Variants in PARVB observed in about 807,000 individuals in gnomAD.
The protein encoded by PARVB is parvin beta.
In PARVB, 46 loss-of-function variants were observed where a neutral mutation model predicts 47.0. The ratio of observed to expected loss-of-function variants is 0.98; its 90% CI spans 0.77 to 1.25. The LOEUF (loss-of-function observed/expected upper bound fraction) is 1.25, where lower values mean the gene tolerates loss of function less well. Among genes scored for constraint, PARVB ranks in the 50% most tolerant of loss-of-function variants. The pLI is 0.00. For synonymous variants in PARVB, 196 were observed against 196.3 expected (o/e 1.00, Z 0.01); for missense variants, 473 against 471.6 (o/e 1.00, Z -0.03).
rs563894254 is a variant in PARVB, at chr22:44,029,636, C to T, written c.112+5185C>T. On this transcript the variant is annotated intron_variant, in intron 1 of 12. Coordinates refer to ENST00000338758, the MANE Select transcript of PARVB (RefSeq NM_013327.5). ...ACTAAAAATAGAAAAATTAGCCAGG[C>T]GTGGTGGCTCACGCCTGTAATCCCA... Among the ~76,000 whole-genome samples, 10 of 151,858 alleles carry T rather than the reference C, an allele frequency of 6.6e-5. No individual in the cohort carries two copies. The South Asian group carries it at 1.2e-3, about 19-fold the overall frequency.
Position 44,049,285 on chromosome 22 carries a change from C to A in PARVB, c.112+24834C>A, listed in dbSNP as rs1307253906. ...TGTGCTGGTGTCAGAATGAACAATA[C>A]CCATAGTGCTTGGCGTAGACAATCA... is the stretch of plus-strand genomic sequence containing the variant. On this transcript the variant is annotated intron_variant, in intron 1 of 12. Coordinates refer to ENST00000338758, the MANE Select transcript of PARVB (RefSeq NM_013327.5). The surrounding 1 kb of genome is among the most constrained non-coding windows in gnomAD (Gnocchi z 4.0). Among the ~76,000 whole-genome samples the A allele has an allele frequency of 3.3e-5, 5 of 152,142 alleles. No individual in the cohort carries two copies. Among genetic ancestry groups the A allele is most frequent in the South Asian group, 4.1e-4 (2 of 4,824 alleles).
intron 1 of PARVB, among the ~76,000 whole-genome samples, chr22:44,040,249 A>G (rs2050994174): frequency 6.6e-6 from 1 of 152,076 alleles, no homozygotes; most frequent in Non-Finnish European, 1.5e-5. Context: ...CTAATTAGTG[A>G]TGTGTGTGAT....
intron 1 of PARVB, among the ~76,000 whole-genome samples, chr22:44,041,017 AAAAG>A (rs1480809559): frequency 6.6e-6 from 1 of 152,052 alleles, no homozygotes; most frequent in Non-Finnish European, 1.5e-5. Context: ...AATAAAAAAA[AAAAG>A]AAAGAAATTT....
At chr22:44,167,264 G>A (rs1024282439) in intron 12 of PARVB, among the ~76,000 whole-genome samples, 23 of 152,226 alleles carry the variant, frequency 1.5e-4, no homozygotes, top group Admixed American at 7.2e-4. Flanking sequence ...CGATGGTGGG[G>A]TGGGTGTTTG....
intron 5 of PARVB, among the ~76,000 whole-genome samples, chr22:44,132,465 C>CT (rs1272796519): frequency 1.3e-5 from 2 of 152,166 alleles, no homozygotes; most frequent in Non-Finnish European, 2.9e-5. Flanking sequence ...GGCCTCTGCT[C>CT]TTGGCAGCCT....
At chr22:44,132,103 T>A (rs2053339702) in intron 5 of PARVB, among the ~76,000 whole-genome samples, 1 of 152,092 alleles carries the variant, frequency 6.6e-6, no homozygotes, top group South Asian at 2.1e-4. Flanking sequence ...TTCTCCTCGG[T>A]CCTGCCCACT....
intron 2 of PARVB, among the ~76,000 whole-genome samples, chr22:44,012,863 G>A (rs1569048769): frequency 1.3e-5 from 2 of 151,190 alleles, no homozygotes; most frequent in Non-Finnish European, 2.9e-5. Flanking sequence ...AAAGAGAAGT[G>A]AAAGAAAGCT....
At chr22:44,130,387 C>T (rs2267612) in intron 4 of PARVB, among the ~76,000 whole-genome samples, 41,224 of 152,024 alleles carry the variant, frequency 0.27, 5,786 homozygotes, top group East Asian at 0.48. Context: ...TGGGGTGGGG[C>T]GCTGGTGGCC....
At chr22:44,025,208 G>A (rs557802232) in intron 1 of PARVB, among the ~76,000 whole-genome samples, 12 of 152,148 alleles carry the variant, frequency 7.9e-5, no homozygotes, top group African/African-American at 2.9e-4. Context: ...TGGAAAGGCA[G>A]ATGGAGAAAG....
At chr22:44,167,447 C>T (rs1036095701) in intron 12 of PARVB, among the ~76,000 whole-genome samples, 30 of 152,118 alleles carry the variant, frequency 2.0e-4, no homozygotes, top group African/African-American at 6.8e-4. Context: ...GGGGCTGCTG[C>T]GTGGGGGCAT....
intron 1 of PARVB, among the ~76,000 whole-genome samples, chr22:44,041,079 T>C (rs1007532040): frequency 6.6e-5 from 10 of 151,924 alleles, no homozygotes; most frequent in African/African-American, 2.4e-4. Flanking sequence ...CCAGCTGCAA[T>C]TGGAAATGAA....
At chr22:44,101,752 GAAA>G (rs58386939) in intron 3 of PARVB, among the ~76,000 whole-genome samples, 1 of 124,668 alleles carries the variant, frequency 8.0e-6, no homozygotes. Flanking sequence ...CCATCTCACA[GAAA>G]AAAAAAAAAA....
At chr22:44,154,066 C>T (rs1184618073) in intron 10 of PARVB, among the ~76,000 whole-genome samples, 4 of 152,186 alleles carry the variant, frequency 2.6e-5, no homozygotes, top group Admixed American at 1.3e-4. Flanking sequence ...GTGTGAGGGG[C>T]ACTGCTCCCC....
intron 4 of PARVB, among the ~76,000 whole-genome samples, chr22:44,128,263 G>A (rs117986049): frequency 0.03 from 4,545 of 152,230 alleles, 108 homozygotes; most frequent in East Asian, 0.098. Flanking sequence ...GGTCACTCAC[G>A]GGCACACCCT....
intron 3 of PARVB, among the ~76,000 whole-genome samples, chr22:44,102,033 T>C (rs2147071812): frequency 6.6e-6 from 1 of 152,292 alleles, no homozygotes; most frequent in African/African-American, 2.4e-5. Flanking sequence ...ATTATGATAT[T>C]GGCTCACTTG....
Position 44,168,693 on chromosome 22 carries a change from A to G in PARVB, c.*15A>G. 4 of 1,573,002 alleles carry G rather than the reference A, an allele frequency of 2.5e-6. No individual in the cohort carries two copies. Among genetic ancestry groups the G allele is most frequent in the Non-Finnish European group, 3.5e-6 (4 of 1,142,802 alleles). On this transcript the variant is annotated 3_prime_UTR_variant, in exon 13 of 13. Coordinates refer to ENST00000338758, the MANE Select transcript of PARVB (RefSeq NM_013327.5). ...ACGTGGAGTGACGGGGGAGCTGTGG[A>G]TGGTGGCAGGAGTGTCCCAGCAAGA...
intron 1 of PARVB, among the ~76,000 whole-genome samples, chr22:44,024,967 A>T (rs191046653): frequency 0.021 from 3,188 of 150,384 alleles, 120 homozygotes; most frequent in African/African-American, 0.074. Flanking sequence ...CCCATTAAAA[A>T]TTTTTTTTTT....
chr22:44,081,318 TG>T (rs1263574499), intron 1 of PARVB, among the ~76,000 whole-genome samples: 1 of 152,066 alleles, frequency 6.6e-6, no homozygotes, highest in Non-Finnish European at 1.5e-5. Context: ...GTCCTCCTGT[TG>T]GGGGAAGCTT....
intron 8 of PARVB, chr22:44,147,226 C>G (rs1345774232): frequency 1.6e-5 from 3 of 190,780 alleles, no homozygotes; most frequent in African/African-American, 4.6e-5. Flanking sequence ...ATCTGAGTGT[C>G]CCATGGCTCG....
Sources: allele counts gnomAD v4.1 joint callset (sites outside exome capture counted in the v4.1 genomes callset), GRCh38; gene constraint gnomAD v4.1.1; non-coding constraint Gnocchi (gnomAD v3.1); transcripts MANE v1.5; gene names NCBI Gene and HGNC (gene_info 2026-07-23, HGNC 2026-07-21).